Variants in MACROD2 observed in about 807,000 individuals in gnomAD.
MACROD2 encodes the protein mono-ADP ribosylhydrolase 2.
A neutral mutation model predicts 70.4 loss-of-function variants in MACROD2; 36 were observed. The ratio of observed to expected loss-of-function variants is 0.51; its 90% CI spans 0.39 to 0.68. MACROD2 has a LOEUF of 0.68. Among genes scored for constraint, MACROD2 ranks in the 30% least tolerant of loss-of-function variants. The probability of loss-of-function intolerance (pLI) is 0.00; values close to 1 mark genes in which losing one functional copy is unlikely to be tolerated. For synonymous variants in MACROD2, 172 were observed against 178.8 expected, an observed-to-expected ratio of 0.96 and a Z score of 0.30; for missense variants, 496 against 538.4, an observed-to-expected ratio of 0.92 and a Z score of 0.78.
chr20:15,051,329 C>CAGTA (rs1467422626), intron 5 of MACROD2, among the ~76,000 whole-genome samples: 1 of 145,636 alleles, frequency 6.9e-6, no homozygotes, highest in African/African-American at 2.6e-5. Flanking sequence ...AACCAGAAAT[C>CAGTA]AGTAGGAGAT....
intron 8 of MACROD2, among the ~76,000 whole-genome samples, chr20:15,738,411 G>A (rs1343555942): frequency 6.6e-6 from 1 of 152,042 alleles, no homozygotes; most frequent in Admixed American, 6.6e-5. Flanking sequence ...CAGAAGCTGA[G>A]GAAAGGAAAA....
chr20:15,216,549 A>C (rs1175092969), intron 5 of MACROD2, among the ~76,000 whole-genome samples: 1 of 152,204 alleles, frequency 6.6e-6, no homozygotes, highest in Non-Finnish European at 1.5e-5. Flanking sequence ...AAAAATTAGA[A>C]ATTGAGTATC....
In MACROD2 at chr20:15,542,590, T is replaced by C. The variant is rs117175706; in HGVS notation, c.645+42743T>C. Among the ~76,000 whole-genome samples the C allele has an allele frequency of 2.6e-3, 397 of 152,222 alleles. 8 individuals carry two copies. The East Asian group carries it at 0.049, about 19-fold the overall frequency. Reference sequence around the variant, plus strand: ...TCAAAGATAGAGTCTTAAAAGAAGATTGAAAGGACAGAATAAAAATGTACT... The same window carrying C: ...TCAAAGATAGAGTCTTAAAAGAAGACTGAAAGGACAGAATAAAAATGTACT... On this transcript the variant is annotated intron_variant, in intron 8 of 17. Coordinates refer to ENST00000684519, the MANE Select transcript of MACROD2 (RefSeq NM_001351661.2).
chr20:15,561,820 A>G (rs2048248579), intron 8 of MACROD2, among the ~76,000 whole-genome samples: 1 of 152,076 alleles, frequency 6.6e-6, no homozygotes, highest in South Asian at 2.1e-4. Context: ...TTAAAATAAG[A>G]ACAGAGCACA....
intron 3 of MACROD2, among the ~76,000 whole-genome samples, chr20:14,472,737 T>C (rs1460568094): frequency 4.6e-5 from 7 of 152,216 alleles, no homozygotes; most frequent in African/African-American, 1.7e-4. Flanking sequence ...GTCTTAATTG[T>C]TAAATAGAAA....
intron 3 of MACROD2, among the ~76,000 whole-genome samples, chr20:14,474,894 T>C (rs2084573345): frequency 1.3e-5 from 2 of 152,166 alleles, no homozygotes; most frequent in Non-Finnish European, 2.9e-5. Context: ...AGGCAGCATG[T>C]ATTTAAATTT....
rs770168488 is a variant in MACROD2, at chr20:15,955,593, G to A, written c.908-11960G>A. Among the ~76,000 whole-genome samples the A allele has an allele frequency of 3.9e-5, 6 of 152,108 alleles. No individual in the cohort carries two copies. In the South Asian group the frequency reaches 6.2e-4, roughly 16 times the overall value. ...CTAATTCTGCCCTTCAAATAAACAC[G>A]TATTTAAGTATTTGTATAAATCAGG... On this transcript the variant is annotated intron_variant, in intron 12 of 17. Coordinates refer to ENST00000684519, the MANE Select transcript of MACROD2 (RefSeq NM_001351661.2).
chr20:14,844,569 A>G (rs1418826999), intron 5 of MACROD2, among the ~76,000 whole-genome samples: 1 of 151,988 alleles, frequency 6.6e-6, no homozygotes, highest in Non-Finnish European at 1.5e-5. Flanking sequence ...TCTCTTCATA[A>G]CACTAACTGT....
At chr20:14,595,061 T>C (rs112687958) in intron 4 of MACROD2, among the ~76,000 whole-genome samples, 36 of 152,256 alleles carry the variant, frequency 2.4e-4, no homozygotes, top group African/African-American at 7.7e-4. Context: ...TCAAACCATA[T>C]GTACTGTTTT....
intron 3 of MACROD2, among the ~76,000 whole-genome samples, chr20:14,277,108 C>G (rs888354998): frequency 2.0e-5 from 3 of 151,808 alleles, no homozygotes; most frequent in East Asian, 1.9e-4. Context: ...TTGAGATCAG[C>G]ATGACTGACA....
Position 16,043,120 on chromosome 20 carries a change from G to A in MACROD2, c.1232-1451G>A, listed in dbSNP as rs142627983. On this transcript the variant is annotated intron_variant, in intron 16 of 17. Coordinates refer to ENST00000684519, the MANE Select transcript of MACROD2 (RefSeq NM_001351661.2). ...TTGGCAGGCTCAAAGGCGGGCAGGG[G>A]ATGGGAAACCCCCCTTTATAGGTTA... Among the ~76,000 whole-genome samples, 525 of 152,166 alleles carry A rather than the reference G, an allele frequency of 3.5e-3. 3 individuals are homozygous for A. The highest frequency in any genetic ancestry group is 0.012 in the African/African-American group (508 of 41,528).
intron 8 of MACROD2, among the ~76,000 whole-genome samples, chr20:15,526,207 T>C (rs1225235302): frequency 6.6e-6 from 1 of 152,172 alleles, no homozygotes; most frequent in Non-Finnish European, 1.5e-5. Context: ...TATCAGATGC[T>C]GTGGCGGACA....
intron 10 of MACROD2, among the ~76,000 whole-genome samples, chr20:15,919,672 T>A (rs1453420765): frequency 6.6e-6 from 1 of 151,972 alleles, no homozygotes; most frequent in Non-Finnish European, 1.5e-5. Flanking sequence ...GAGACGGAGG[T>A]TGCAGTGAGC....
chr20:14,648,049 A>G (rs763110371), intron 4 of MACROD2, among the ~76,000 whole-genome samples: 1 of 152,154 alleles, frequency 6.6e-6, no homozygotes, highest in African/African-American at 2.4e-5. Flanking sequence ...TTGCCTCCAT[A>G]GTGCCTTATA....
At chr20:15,834,499 C>CG (rs1467557826) in intron 8 of MACROD2, among the ~76,000 whole-genome samples, 1 of 152,148 alleles carries the variant, frequency 6.6e-6, no homozygotes, top group Non-Finnish European at 1.5e-5. Context: ...TCCGTTGCCC[C>CG]GGTTAGATTC....
rs1031188569 is a variant in MACROD2, at chr20:15,719,355, T to A, written c.646-143390T>A. ...CAAACTAACAGAAATTTACTTGTTT[T>A]CAGCATGCTGTCATAGTTGTGAGTG... On this transcript the variant is annotated intron_variant, in intron 8 of 17. Coordinates refer to ENST00000684519, the MANE Select transcript of MACROD2 (RefSeq NM_001351661.2). 2.5e-4 allele frequency among the ~76,000 whole-genome samples: 38 copies of A among 152,220 alleles called. 1 individual carries two copies. Among genetic ancestry groups the A allele is most frequent in the African/African-American group, 9.2e-4 (38 of 41,466 alleles).
chr20:14,311,912 A>G (rs1028007475), intron 3 of MACROD2, among the ~76,000 whole-genome samples: 10 of 152,130 alleles, frequency 6.6e-5, no homozygotes, highest in African/African-American at 2.2e-4. Context: ...TTCTTTTCCA[A>G]TTAACCTTTG....
In MACROD2 at chr20:14,640,885, G is replaced by A. The variant is rs555498037; in HGVS notation, c.302-43958G>A. Among the ~76,000 whole-genome samples the A allele has an allele frequency of 3.9e-5, 6 of 152,320 alleles. 1 individual carries two copies. The South Asian group carries it at 1.0e-3, about 26-fold the overall frequency. Reference sequence around the variant, plus strand: ...TCTTGCCTCAGTGTTGATGGCTGCTGAATGATCAGGGTGGTGGTTGCTGAA... The same window carrying A: ...TCTTGCCTCAGTGTTGATGGCTGCTAAATGATCAGGGTGGTGGTTGCTGAA... On this transcript the variant is annotated intron_variant, in intron 4 of 17. Transcript: ENST00000684519.
At chr20:14,824,935 T>A (rs2072885506) in intron 5 of MACROD2, among the ~76,000 whole-genome samples, 2 of 152,084 alleles carry the variant, frequency 1.3e-5, no homozygotes. Flanking sequence ...TCGTCCCATT[T>A]TCCATTTAAG....
Sources: gnomAD v4.1 joint callset for allele counts (sites outside exome capture counted in the v4.1 genomes callset) on GRCh38, gnomAD v4.1.1 for gene constraint, MANE v1.5 for transcripts, NCBI Gene and HGNC (gene_info 2026-07-23, HGNC 2026-07-21) for gene names.